The following ABLIM2 variants were observed in gnomAD, a reference collection of about 807,000 sequenced individuals.
The protein encoded by ABLIM2 is actin-binding LIM protein 2.
ABLIM2 carries 53 observed loss-of-function variants against 97.7 expected under a neutral mutation model. The observed-to-expected ratio is 0.54, with a 90% confidence interval of 0.44 to 0.68. ABLIM2 has a LOEUF of 0.68. Among genes scored for constraint, ABLIM2 ranks in the 30% least tolerant of loss-of-function variants. The pLI is 0.00. For missense variants in ABLIM2, 835 were observed against 867.2 expected (o/e 0.96, Z 0.47); for synonymous variants, 361 against 345.8 (o/e 1.04, Z -0.49).
Position 7,996,300 on chromosome 4 carries a change from G to A in ABLIM2, c.1619-3373C>T, listed in dbSNP as rs1406556973. Among the ~76,000 whole-genome samples the A allele has an allele frequency of 3.3e-5, 5 of 152,186 alleles. No homozygotes were observed. In the East Asian group the frequency reaches 9.6e-4, roughly 29 times the overall value. On this transcript the variant is annotated intron_variant, in intron 16 of 20. Transcript: ENST00000447017. The surrounding 1 kb of genome is among the most constrained non-coding windows in gnomAD (Gnocchi z 4.5). ...CCATTCCGATGCACACTGGCCTACT[G>A]CCTCGAGAACAGAGAACACCCTTGG...
chr4:8,037,349 C>CAA (rs902969403), intron 9 of ABLIM2, among the ~76,000 whole-genome samples: 68 of 151,724 alleles, frequency 4.5e-4, no homozygotes, highest in African/African-American at 1.5e-3. Flanking sequence ...GGCACACACA[C>CAA]ACATAAGGCA....
intron 12 of ABLIM2, among the ~76,000 whole-genome samples, chr4:8,025,187 C>G (rs1776522701): frequency 6.6e-6 from 1 of 152,216 alleles, no homozygotes; most frequent in African/African-American, 2.4e-5. Context: ...CTTGGCCTCC[C>G]AAAGTGCTGG....
chr4:8,008,370 T>G (rs1039083154), intron 15 of ABLIM2, among the ~76,000 whole-genome samples, 170 bp from the exon 16 acceptor site: 2 of 152,180 alleles, frequency 1.3e-5, no homozygotes, highest in Non-Finnish European at 2.9e-5. Context: ...TGCCATTTAG[T>G]GAGACCTATC....
intron 6 of ABLIM2, among the ~76,000 whole-genome samples, chr4:8,065,102 A>G (rs1290044685): frequency 6.6e-6 from 1 of 152,158 alleles, no homozygotes; most frequent in East Asian, 1.9e-4. Context: ...AAATTGAAAA[A>G]TTAGCCAGGC....
In ABLIM2 at chr4:8,130,528, C is replaced by T. The variant is rs908594033; in HGVS notation, c.11-23891G>A. On this transcript the variant is annotated intron_variant, in intron 1 of 20. Transcript: ENST00000447017. This position sits in a 1 kb window ranked among gnomAD's most constrained non-coding sequence, Gnocchi z 4.2. ...GAATATCAAGTTGTCTAAGCTTCCC[C>T]GAGACACTGTGAGGTGGCGCCACGC... Among the ~76,000 whole-genome samples the T allele has an allele frequency of 1.3e-5, 2 of 152,016 alleles. No homozygotes were observed. The highest frequency in any genetic ancestry group is 2.1e-4 in the South Asian group (1 of 4,810).
In ABLIM2 at chr4:8,002,410, C is replaced by T. The variant is rs77923158; in HGVS notation, c.1618+5649G>A. Among the ~76,000 whole-genome samples the T allele has an allele frequency of 0.062, 9,397 of 152,268 alleles. 325 individuals carry two copies. The highest frequency in any genetic ancestry group is 0.077 in the Non-Finnish European group (5,204 of 68,000). On this transcript the variant is annotated intron_variant, in intron 16 of 20. Coordinates refer to ENST00000447017, the MANE Select transcript of ABLIM2 (RefSeq NM_001130083.2). This position sits in a 1 kb window ranked among gnomAD's most constrained non-coding sequence, Gnocchi z 6.1. The stretch of plus-strand genomic sequence containing the variant: ...CTGCCAGTGAGATCCTTCCAGGGCC[C>T]CCCACTGCTTTTGTGGGAGCCCTTT...
At chr4:8,036,072 T>A in intron 10 of ABLIM2, 77 bp downstream of exon 10, 3 of 1,542,156 alleles carry the variant, frequency 1.9e-6, no homozygotes, top group Non-Finnish European at 2.6e-6. Flanking sequence ...ATAGGACACA[T>A]GCTAGGGATG....
chr4:8,111,347 A>G (rs1840186436), intron 1 of ABLIM2, among the ~76,000 whole-genome samples: 2 of 152,232 alleles, frequency 1.3e-5, no homozygotes, highest in Admixed American at 1.3e-4. Context: ...TCAACGGAGC[A>G]CAGGGCGTTT....
Position 8,119,910 on chromosome 4 carries a change from G to GC in ABLIM2, c.11-13274dup, listed in dbSNP as rs1464631084. Among the ~76,000 whole-genome samples, 5 of 152,240 alleles carry GC rather than the reference G, an allele frequency of 3.3e-5. No homozygotes were observed. The East Asian group carries it at 7.7e-4, about 24-fold the overall frequency. On this transcript the variant is annotated intron_variant, in intron 1 of 20. Coordinates refer to ENST00000447017, the MANE Select transcript of ABLIM2 (RefSeq NM_001130083.2). ...TGGGAAGAGCAGACCCTTCGCCTCC[G>GC]CTCAGATCTGGGGTGCGTGCTCAAG...
At chr4:8,084,738 C>T (rs1204469579) in intron 4 of ABLIM2, among the ~76,000 whole-genome samples, 2 of 152,236 alleles carry the variant, frequency 1.3e-5, no homozygotes, top group East Asian at 3.9e-4. Flanking sequence ...TCCCTTTTCC[C>T]CAGGCCAAGC....
chr4:8,062,628 A>G (rs913238912), intron 6 of ABLIM2, among the ~76,000 whole-genome samples: 4 of 151,776 alleles, frequency 2.6e-5, no homozygotes, highest in South Asian at 4.2e-4. Context: ...TTTAGTAGAG[A>G]CGGGGTTTCA....
At chr4:7,985,102 T>C (rs1193039609) in intron 17 of ABLIM2, among the ~76,000 whole-genome samples, 2 of 152,216 alleles carry the variant, frequency 1.3e-5, no homozygotes, top group Non-Finnish European at 2.9e-5. Flanking sequence ...CCCGTGGGAC[T>C]GGCCAGCTTT....
rs1830292629 is a variant in ABLIM2 at position 8,094,302 on chromosome 4, C to T, written c.338+2797G>A. Among the ~76,000 whole-genome samples, 3 of 152,186 alleles carry T rather than the reference C, an allele frequency of 2.0e-5. No homozygotes were observed. The South Asian group carries it at 6.2e-4, about 32-fold the overall frequency. ...ATTCCTGTCATTTCTGGGCCTATTG[C>T]TGCAGCAGGACAAGCCACAGACAAA... On this transcript the variant is annotated intron_variant, in intron 3 of 20. Transcript: ENST00000447017.
At chr4:8,060,030 T>G (rs1401437857) in intron 7 of ABLIM2, among the ~76,000 whole-genome samples, 8 of 152,134 alleles carry the variant, frequency 5.3e-5, no homozygotes, top group African/African-American at 1.7e-4. Flanking sequence ...GGTGCACATG[T>G]TAATAAGCTT....
At position 8,130,897 on chromosome 4, in the gene ABLIM2, A is replaced by G. The variant is rs1205399869; in HGVS notation, c.11-24260T>C. On this transcript the variant is annotated intron_variant, in intron 1 of 20. Coordinates refer to ENST00000447017, the MANE Select transcript of ABLIM2 (RefSeq NM_001130083.2). This position sits in a 1 kb window ranked among gnomAD's most constrained non-coding sequence, Gnocchi z 4.2. ...CTGCTGGGGCGGCCTGCATTTCCTGACTTGTGGACGGCAAGGTGGCCCCAG... is the reference window on the plus strand; with the variant it reads ...CTGCTGGGGCGGCCTGCATTTCCTGGCTTGTGGACGGCAAGGTGGCCCCAG... Among the ~76,000 whole-genome samples the G allele has an allele frequency of 6.6e-6, 1 of 151,960 alleles. No homozygotes were observed. Among genetic ancestry groups the G allele is most frequent in the Non-Finnish European group, 1.5e-5 (1 of 67,948 alleles).
intron 8 of ABLIM2, among the ~76,000 whole-genome samples, chr4:8,049,831 G>A (rs1478821506): frequency 1.3e-5 from 2 of 152,160 alleles, no homozygotes; most frequent in Admixed American, 6.5e-5. Flanking sequence ...CGTCTCAAGC[G>A]ATTCTCGTGC....
At chr4:8,047,106 A>T (rs1560933687) in intron 8 of ABLIM2, among the ~76,000 whole-genome samples, 1 of 152,230 alleles carries the variant, frequency 6.6e-6, no homozygotes, top group Non-Finnish European at 1.5e-5. Flanking sequence ...AGGATGGGCA[A>T]CATCAGCGCC....
chr4:7,979,684 C>G (rs1002645801), intron 20 of ABLIM2, among the ~76,000 whole-genome samples: 1 of 152,258 alleles, frequency 6.6e-6, no homozygotes, highest in African/African-American at 2.4e-5. Flanking sequence ...ATTGTAGATT[C>G]ACTTCCTTCT....
intron 1 of ABLIM2, among the ~76,000 whole-genome samples, chr4:8,129,651 C>T (rs1849082526): frequency 6.6e-6 from 1 of 152,116 alleles, no homozygotes; most frequent in East Asian, 1.9e-4. Context: ...GTTTGCAAGA[C>T]AAGTATATGC....
Sources: gnomAD v4.1 joint callset for allele counts (sites outside exome capture counted in the v4.1 genomes callset) on GRCh38, gnomAD v4.1.1 for gene constraint, Gnocchi (gnomAD v3.1) non-coding constraint, MANE v1.5 for transcripts, NCBI Gene and HGNC (gene_info 2026-07-23, HGNC 2026-07-21) for gene names.